The following ARFGEF1 variants were observed in gnomAD, a reference collection of about 807,000 sequenced individuals.
ARFGEF1 encodes the protein ARF guanine nucleotide exchange factor 1.
A neutral mutation model predicts 231.0 loss-of-function variants in ARFGEF1; 42 were observed. That is an observed-to-expected ratio of 0.18 (90% CI 0.14 to 0.24). The LOEUF is 0.24. Ranked by LOEUF, ARFGEF1 falls within the 10% of genes least tolerant of loss-of-function variation. ARFGEF1 has a pLI of 1.00. For missense variants in ARFGEF1, 1,345 were observed against 2,192.0 expected (o/e 0.61, Z 7.72); for synonymous variants, 710 against 732.3 (o/e 0.97, Z 0.49).
intron 17 of ARFGEF1, 128 bp from the exon 18 acceptor site, chr8:67,253,750 A>G (rs1840369674): frequency 2.0e-6 from 1 of 500,232 alleles, no homozygotes; most frequent in Non-Finnish European, 3.2e-6. Context: ...AAAGTATTCA[A>G]CAAAATATAG....
chr8:67,279,835 A>C (rs1298307936), intron 7 of ARFGEF1, among the ~76,000 whole-genome samples: 1 of 152,188 alleles, frequency 6.6e-6, no homozygotes, highest in African/African-American at 2.4e-5. Context: ...AAATCATTTG[A>C]GATATACAGG....
rs1166810807 is a variant in ARFGEF1 at position 67,335,101 on chromosome 8, A to ATT, written c.124+8061_124+8062dup. Among the ~76,000 whole-genome samples, 270 of 132,304 alleles carry ATT rather than the reference A, an allele frequency of 2.0e-3. 2 individuals carry two copies. Among genetic ancestry groups the ATT allele is most frequent in the African/African-American group, 2.7e-3 (94 of 34,268 alleles). 86.8% of individuals were successfully genotyped at this position (132,304 alleles called of 152,430 possible). On this transcript the variant is annotated intron_variant, in intron 1 of 38. Coordinates refer to ENST00000262215, the MANE Select transcript of ARFGEF1 (RefSeq NM_006421.5). ...TCTTCAGCTAAGAGTATCACGGTAA[A>ATT]TTTTTTTTTTTTTTTTTTTTTTGAG...
Position 67,226,627 on chromosome 8 carries a change from T to C in ARFGEF1, c.3917-444A>G, listed in dbSNP as rs532832012. Among the ~76,000 whole-genome samples the C allele has an allele frequency of 5.3e-5, 8 of 152,138 alleles. 1 individual carries two copies. Among genetic ancestry groups the C allele is most frequent in the Non-Finnish European group, 1.2e-4 (8 of 68,002 alleles). On this transcript the variant is annotated intron_variant, in intron 27 of 38. Coordinates refer to ENST00000262215, the MANE Select transcript of ARFGEF1 (RefSeq NM_006421.5). ...AATGATAGCTATGATGATGCCATGA[T>C]TCTTGATGTTGATGGTCATCATTGT...
intron 26 of ARFGEF1, 61 bp downstream of exon 26, chr8:67,227,386 C>T: frequency 6.3e-7 from 1 of 1,597,414 alleles, no homozygotes. Flanking sequence ...TTCTGTTTTT[C>T]TCCCTGCTGT....
At chr8:67,324,285 T>G (rs938033889) in intron 1 of ARFGEF1, among the ~76,000 whole-genome samples, 1 of 152,196 alleles carries the variant, frequency 6.6e-6, no homozygotes, top group Non-Finnish European at 1.5e-5. Flanking sequence ...TGAGTGAGAC[T>G]CTGTCTCAAA....
chr8:67,289,549 CAAAAAAAAAAAAAAAAAA>C (rs552601455), intron 6 of ARFGEF1, among the ~76,000 whole-genome samples: 10 of 44,844 alleles, frequency 2.2e-4, no homozygotes, highest in African/African-American at 6.4e-4. Flanking sequence ...ACTCTGTATC[CAAAAAAAAAAAAAAAAAA>C]AAAAAAAAAG....
At chr8:67,175,794 GTGCCA>G in intron 5 of ARFGEF1, among the ~76,000 whole-genome samples, 1 of 152,348 alleles carries the variant, frequency 6.6e-6, no homozygotes, top group South Asian at 2.1e-4. Context: ...TTTGCCTACT[GTGCCA>G]TGTCAGGCAT....
At chr8:67,317,628 A>T (rs975546232) in intron 1 of ARFGEF1, among the ~76,000 whole-genome samples, 55 of 149,434 alleles carry the variant, frequency 3.7e-4, no homozygotes, top group Middle Eastern at 3.5e-3. Flanking sequence ...AAAAAAAAAA[A>T]GGTTGGGAGC....
In ARFGEF1 at chr8:67,198,123, G is replaced by A; in HGVS notation, c.*811C>T. 1.0e-6 allele frequency: 1 copy of A among 985,688 alleles called. No individual in the cohort carries two copies. 61.1% of individuals were successfully genotyped at this position (985,688 alleles called of 1,614,324 possible). A position where few individuals can be genotyped will look rare whatever the true frequency, so the allele number is the denominator to read the frequency against. On this transcript the variant is annotated 3_prime_UTR_variant, in exon 39 of 39. Coordinates refer to ENST00000262215, the MANE Select transcript of ARFGEF1 (RefSeq NM_006421.5). ...AAGTCCTAAGAGAAATATGTGACAG[G>A]TAGTTACTGTCAGTAGGGATATTTT...
intron 5 of ARFGEF1, among the ~76,000 whole-genome samples, chr8:67,189,989 C>G (rs1006611389): frequency 9.9e-5 from 15 of 152,152 alleles, no homozygotes; most frequent in African/African-American, 3.1e-4. Flanking sequence ...AAATTGGAAC[C>G]CTCTTACAAT....
At chr8:67,226,743 A>T (rs1839386952) in intron 27 of ARFGEF1, among the ~76,000 whole-genome samples, 1 of 152,026 alleles carries the variant, frequency 6.6e-6, no homozygotes, top group Non-Finnish European at 1.5e-5. Flanking sequence ...AGGCTGTGCA[A>T]TGTACTTACT....
chr8:67,267,261 G>A (rs1197496640), intron 11 of ARFGEF1, 31 bp from the exon 12 acceptor site: 2 of 1,606,416 alleles, frequency 1.2e-6, no homozygotes, highest in Admixed American at 1.7e-5. Flanking sequence ...TTTCAACAAA[G>A]TACATCTAGG....
At chr8:67,202,852 T>C (rs770884094) in intron 36 of ARFGEF1, among the ~76,000 whole-genome samples, 2 of 152,142 alleles carry the variant, frequency 1.3e-5, no homozygotes, top group Non-Finnish European at 2.9e-5. Flanking sequence ...GAAAGAACAA[T>C]GTAAGTCAAA....
Position 67,292,080 on chromosome 8 carries a change from T to C in ARFGEF1, c.683A>G (p.His228Arg). Residue 228 changes from histidine (H) to arginine (R), a missense_variant, in exon 6 of 39, where the codon CAT (histidine) becomes CGT (arginine). Coordinates refer to ENST00000262215, the MANE Select transcript of ARFGEF1 (RefSeq NM_006421.5). ...TACTGGAGACTGTAACAGATGATGATGCTGCCGATGCCTTTCTTTTTCCAT... is the reference window on the plus strand; with the variant it reads ...TACTGGAGACTGTAACAGATGATGACGCTGCCGATGCCTTTCTTTTTCCAT... ...KQMEKERHRQHHHLLQSPVSH... is the reference protein window; with the variant it reads ...KQMEKERHRQRHHLLQSPVSH... 6.2e-7 allele frequency: 1 copy of C among 1,613,930 alleles called. No individual in the cohort carries two copies. The highest frequency in any genetic ancestry group is 2.2e-5 in the East Asian group (1 of 44,876).
At chr8:67,173,700 A>G (rs1472942507), downstream of ARFGEF1, 1 of 152,076 alleles carries the variant, frequency 6.6e-6, no homozygotes. Context: ...AATTTTCTCT[A>G]TTGTTTTTCA....
intron 1 of ARFGEF1, among the ~76,000 whole-genome samples, chr8:67,331,598 T>A (rs927713326): frequency 3.3e-5 from 5 of 151,986 alleles, no homozygotes; most frequent in African/African-American, 1.2e-4. Context: ...TTATAGTAGC[T>A]TAAACAGACT....
In ARFGEF1 at chr8:67,239,950, GTTATAA is replaced by G. The variant is rs529427414; in HGVS notation, c.2979+206_2979+211del. On this transcript the variant is annotated intron_variant, in intron 20 of 38. Coordinates refer to ENST00000262215, the MANE Select transcript of ARFGEF1 (RefSeq NM_006421.5). ...ATAGAGAAAAAAAACTGTAACCAAA[GTTATAA>G]TGATAAACTTAGACAGATCAGTATA... Among the ~76,000 whole-genome samples, 143 of 152,158 alleles carry G rather than the reference GTTATAA, an allele frequency of 9.4e-4. 1 individual carries two copies. The East Asian group carries it at 0.015, about 16-fold the overall frequency.
chr8:67,213,780 C>A (rs1838830633), intron 33 of ARFGEF1, among the ~76,000 whole-genome samples: 1 of 152,202 alleles, frequency 6.6e-6, no homozygotes, highest in African/African-American at 2.4e-5. Context: ...GGAAGAAATC[C>A]CGCCTGTGAA....
chr8:67,253,358 G>C (rs888964917), intron 18 of ARFGEF1, 93 bp downstream of exon 18: 9 of 902,718 alleles, frequency 1.0e-5, no homozygotes, highest in Non-Finnish European at 1.3e-5. Flanking sequence ...GACTATAAAT[G>C]CAAACCACCA....
Sources: allele counts gnomAD v4.1 joint callset (sites outside exome capture counted in the v4.1 genomes callset), GRCh38; gene constraint gnomAD v4.1.1; transcripts MANE v1.5; gene names NCBI Gene and HGNC (gene_info 2026-07-23, HGNC 2026-07-21).